The following NDRG1 variants were observed in gnomAD, a reference collection of about 807,000 sequenced individuals.
NDRG1 encodes N-myc downstream regulated 1.
In NDRG1, 32 loss-of-function variants were observed where a neutral mutation model predicts 56.9. The observed-to-expected ratio is 0.56, with a 90% confidence interval of 0.42 to 0.76. The LOEUF is 0.76. NDRG1 is among the 30% of genes least tolerant of loss of function. The pLI, the probability that NDRG1 is intolerant of heterozygous loss-of-function variation, is 0.00. For synonymous variants in NDRG1, 211 were observed against 204.1 expected (o/e 1.03, Z -0.29); for missense variants, 507 against 545.7 (o/e 0.93, Z 0.71).
intron 10 of NDRG1, 63 bp downstream of exon 10, chr8:133,250,377 A>G: frequency 7.1e-7 from 1 of 1,412,212 alleles, no homozygotes; most frequent in Non-Finnish European, 1.0e-6. Flanking sequence ...TCTGTCCCAC[A>G]TTTCGGATCT....
chr8:133,264,739 G>T, intron 3 of NDRG1, 87 bp from the exon 4 acceptor site: 1 of 1,143,414 alleles, frequency 8.7e-7, no homozygotes, highest in Non-Finnish European at 1.3e-6. Context: ...TTCCAACTGT[G>T]TTTTGAGGAA....
chr8:133,273,388 T>G (rs2130769324), intron 3 of NDRG1, among the ~76,000 whole-genome samples: 1 of 152,338 alleles, frequency 6.6e-6, no homozygotes, highest in African/African-American at 2.4e-5. Context: ...ACGTGTGGAT[T>G]GAATCAGCTT....
chr8:133,266,374 C>A (rs1856920214), intron 3 of NDRG1, among the ~76,000 whole-genome samples: 1 of 152,220 alleles, frequency 6.6e-6, no homozygotes, highest in Non-Finnish European at 1.5e-5. Context: ...AGAAATGCGA[C>A]CCATACAGAT....
chr8:133,285,681 GCTCTGGTCTGGGGC>G (rs1858071448), intron 1 of NDRG1, among the ~76,000 whole-genome samples: 1 of 152,222 alleles, frequency 6.6e-6, no homozygotes, highest in South Asian at 2.1e-4. Flanking sequence ...CCACTGGGGT[GCTCTGGTCTGGGGC>G]CCCAGCATGA....
chr8:133,252,759 G>A (rs1007928935), intron 9 of NDRG1, among the ~76,000 whole-genome samples: 4 of 146,528 alleles, frequency 2.7e-5, no homozygotes, highest in South Asian at 2.2e-4. Context: ...TGTTTCCCTC[G>A]TACACTCACC....
intron 3 of NDRG1, among the ~76,000 whole-genome samples, chr8:133,273,901 C>G (rs944175197): frequency 1.3e-5 from 2 of 152,174 alleles, no homozygotes; most frequent in Non-Finnish European, 2.9e-5. Flanking sequence ...AATACTCCCC[C>G]CCTCCCTACT....
At chr8:133,258,498 C>T in intron 6 of NDRG1, 72 bp from the exon 7 acceptor site, 1 of 1,499,252 alleles carries the variant, frequency 6.7e-7, no homozygotes, top group Non-Finnish European at 9.1e-7. Flanking sequence ...CCACTTAGAA[C>T]TTCCTGAGGG....
rs1586445785 is a variant in NDRG1, at chr8:133,261,974, A to G, written c.326+73T>C. On this transcript the variant is annotated intron_variant, in intron 5 of 15. Transcript: ENST00000323851. ...ACCACAGTTAAAAAGTATTTAAAAGAGCAAAGCACCTGAACCCCTCCCCGA... is the reference window on the plus strand; with the variant it reads ...ACCACAGTTAAAAAGTATTTAAAAGGGCAAAGCACCTGAACCCCTCCCCGA... The G allele has an allele frequency of 6.6e-6, 10 of 1,515,224 alleles. No homozygotes were observed. In the East Asian group the frequency reaches 2.3e-4, roughly 35 times the overall value. 93.9% of individuals were successfully genotyped at this position (1,515,224 alleles called of 1,614,324 possible).
intron 3 of NDRG1, 150 bp downstream of exon 3, chr8:133,280,082 C>G (rs1211112785): frequency 1.3e-5 from 11 of 850,992 alleles, no homozygotes; most frequent in Non-Finnish European, 2.1e-5. Flanking sequence ...CTGGGAGCAG[C>G]AGCTGAGGGT....
At chr8:133,259,763 C>G (rs1856570369) in intron 5 of NDRG1, among the ~76,000 whole-genome samples, 1 of 152,208 alleles carries the variant, frequency 6.6e-6, no homozygotes, top group Non-Finnish European at 1.5e-5. Flanking sequence ...TGGCAGGGGT[C>G]TGTGAGCAAA....
intron 13 of NDRG1, 77 bp from the exon 14 acceptor site, chr8:133,244,467 G>C: frequency 6.4e-7 from 1 of 1,559,434 alleles, no homozygotes; most frequent in Non-Finnish European, 8.8e-7. Context: ...TTTCCGAAAG[G>C]ATGCCCATCC....
At chr8:133,278,856 C>A (rs191936859) in intron 3 of NDRG1, among the ~76,000 whole-genome samples, 1 of 151,138 alleles carries the variant, frequency 6.6e-6, no homozygotes, top group Non-Finnish European at 1.5e-5. Flanking sequence ...TGACCCCAGG[C>A]AAGTCACTTC....
chr8:133,281,243 G>T lies in NDRG1; in HGVS notation c.64-976C>A, dbSNP rs544839785. Among the ~76,000 whole-genome samples the T allele has an allele frequency of 5.4e-4, 82 of 152,052 alleles. 1 individual carries two copies. The highest frequency in any genetic ancestry group is 6.8e-3 in the Middle Eastern group (2 of 294). ...ATGATGGCGCATGCCTGTAATCCCA[G>T]CTACTCGGGAGGCTAAGGCAGGAGA... On this transcript the variant is annotated intron_variant, in intron 2 of 15. Transcript: ENST00000323851.
At position 133,293,027 on chromosome 8, in the gene NDRG1, C is replaced by T. The variant is rs570093622; in HGVS notation, c.-19+4107G>A. Among the ~76,000 whole-genome samples the T allele has an allele frequency of 3.5e-4, 53 of 152,330 alleles. 1 individual carries two copies. Among genetic ancestry groups the T allele is most frequent in the Admixed American group, 3.2e-3 (49 of 15,308 alleles). On this transcript the variant is annotated intron_variant, in intron 1 of 15. Coordinates refer to ENST00000323851, the MANE Select transcript of NDRG1 (RefSeq NM_006096.4). ...CTGCTTATGGCCCCGATTGTGTAAT[C>T]CATTCCCATTCTGTAGTGCTGGGGC... is the stretch of plus-strand genomic sequence containing the variant.
At chr8:133,294,919 T>C (rs1858658967) in intron 1 of NDRG1, among the ~76,000 whole-genome samples, 1 of 152,186 alleles carries the variant, frequency 6.6e-6, no homozygotes, top group Admixed American at 6.5e-5. Flanking sequence ...CTGCCTTCAG[T>C]CCCACCCAGG....
intron 4 of NDRG1, among the ~76,000 whole-genome samples, chr8:133,263,840 C>G (rs1356544829): frequency 6.7e-6 from 1 of 149,704 alleles, no homozygotes; most frequent in Non-Finnish European, 1.5e-5. Flanking sequence ...TGCTTGAACC[C>G]AGTAGGTGGA....
At chr8:133,256,699 G>T (rs1856390748) in intron 8 of NDRG1, 78 bp downstream of exon 8, 4 of 1,386,952 alleles carry the variant, frequency 2.9e-6, no homozygotes, top group Non-Finnish European at 4.1e-6. Flanking sequence ...TAGCTCCAGG[G>T]ATCCCCCAGG....
chr8:133,287,065 G>T (rs1349101992), intron 1 of NDRG1, among the ~76,000 whole-genome samples: 1 of 152,216 alleles, frequency 6.6e-6, no homozygotes, highest in Admixed American at 6.5e-5. Flanking sequence ...CCATCAAGCA[G>T]CCCTTACCTT....
intron 2 of NDRG1, among the ~76,000 whole-genome samples, chr8:133,283,775 G>GATTTA (rs1857943340): frequency 6.6e-6 from 1 of 152,224 alleles, no homozygotes; most frequent in Non-Finnish European, 1.5e-5. Context: ...TCACAGCTGG[G>GATTTA]ATTTAAGCCC....
Sources: gnomAD v4.1 joint callset for allele counts (sites outside exome capture counted in the v4.1 genomes callset) on GRCh38, gnomAD v4.1.1 for gene constraint, MANE v1.5 for transcripts, NCBI Gene and HGNC (gene_info 2026-07-23, HGNC 2026-07-21) for gene names.